The following VRK2 variants were observed in gnomAD, a reference collection of about 807,000 sequenced individuals.
VRK2 encodes VRK serine/threonine kinase 2.
VRK2 carries 60 observed loss-of-function variants against 57.6 expected under a neutral mutation model. The observed-to-expected ratio is 1.04, with a 90% CI of 0.85 to 1.29. VRK2 has a LOEUF of 1.29. Ranked by LOEUF, VRK2 falls within the 50% of genes most tolerant of loss-of-function variation. The pLI is 0.00. For synonymous variants in VRK2, 231 were observed against 199.2 expected (o/e 1.16, Z -1.35); for missense variants, 705 against 588.1 (o/e 1.20, Z -2.06).
chr2:58,093,890 C>G (rs1043536119), intron 7 of VRK2, among the ~76,000 whole-genome samples: 2 of 152,152 alleles, frequency 1.3e-5, no homozygotes, highest in South Asian at 4.1e-4. Flanking sequence ...TATGGCTAGC[C>G]AGTTTTCCCA....
intron 1 of VRK2, among the ~76,000 whole-genome samples, chr2:57,915,588 T>C (rs976388337): frequency 6.6e-6 from 1 of 152,192 alleles, no homozygotes; most frequent in Non-Finnish European, 1.5e-5. Flanking sequence ...AAGCAGAAGA[T>C]GGAACAATGA....
At chr2:58,017,161 A>T (rs145413369) in intron 1 of VRK2, among the ~76,000 whole-genome samples, 1 of 152,276 alleles carries the variant, frequency 6.6e-6, no homozygotes, top group East Asian at 1.9e-4. Context: ...CTTTTGACAC[A>T]GTTGTTGAAT....
chr2:58,039,859 A>AT (rs1303538642), intron 3 of VRK2, among the ~76,000 whole-genome samples: 7 of 151,466 alleles, frequency 4.6e-5, no homozygotes, highest in African/African-American at 1.7e-4. Context: ...ACTTCTTGAT[A>AT]TTTTCTTAAA....
chr2:58,024,092 T>C (rs1216952273), intron 1 of VRK2, among the ~76,000 whole-genome samples: 1 of 151,756 alleles, frequency 6.6e-6, no homozygotes, highest in Non-Finnish European at 1.5e-5. Flanking sequence ...TTCACGTCAT[T>C]CTCCTGTCTC....
chr2:57,942,741 G>A (rs1402103389), intron 1 of VRK2, among the ~76,000 whole-genome samples: 1 of 152,170 alleles, frequency 6.6e-6, no homozygotes, highest in South Asian at 2.1e-4. Context: ...CTTCTGAGAT[G>A]TATCAATCAA....
intron 11 of VRK2, 22 bp from the exon 12 acceptor site, chr2:58,146,294 A>G (rs1488943264): frequency 1.3e-5 from 20 of 1,573,116 alleles, no homozygotes; most frequent in Non-Finnish European, 1.7e-5. Flanking sequence ...ATTATATATT[A>G]TTACTTACTC....
intron 2 of VRK2, among the ~76,000 whole-genome samples, chr2:58,056,149 G>T (rs538855691): frequency 1.3e-5 from 2 of 150,530 alleles, no homozygotes; most frequent in Non-Finnish European, 3.0e-5. Context: ...TCTTCTAAAT[G>T]CTCTAAAATT....
intron 2 of VRK2, among the ~76,000 whole-genome samples, chr2:58,073,038 T>A (rs1669578012): frequency 6.6e-6 from 1 of 152,098 alleles, no homozygotes; most frequent in African/African-American, 2.4e-5. Flanking sequence ...TTTCGTTTAG[T>A]TTGAAATACT....
rs72945361 is a variant in VRK2 at position 57,927,810 on chromosome 2, T to C, written c.-439+19971T>C. ...TTGAAGGATATTTTCACTGGATCTA[T>C]AATTCTAGGATAAAAGTGGGGTTTT... On this transcript the variant is annotated intron_variant, in intron 1 of 15. Coordinates refer to the VRK2 transcript ENST00000417641. Among the ~76,000 whole-genome samples, 764 of 152,318 alleles carry C rather than the reference T, an allele frequency of 5.0e-3. 11 individuals are homozygous for C. Among genetic ancestry groups the C allele is most frequent in the African/African-American group, 0.018 (733 of 41,564 alleles).
At chr2:58,061,072 A>T (rs1464581257) in intron 2 of VRK2, among the ~76,000 whole-genome samples, 2 of 151,768 alleles carry the variant, frequency 1.3e-5, no homozygotes, top group Non-Finnish European at 2.9e-5. Context: ...ATAAAGCAAA[A>T]CCAGTTTAGT....
At chr2:57,922,554 A>G (rs1349005580) in intron 1 of VRK2, among the ~76,000 whole-genome samples, 1 of 151,820 alleles carries the variant, frequency 6.6e-6, no homozygotes, top group Admixed American at 6.6e-5. Flanking sequence ...TCATGCTAAG[A>G]GAGTAGATTT....
intron 5 of VRK2, among the ~76,000 whole-genome samples, chr2:58,087,400 A>G (rs1371343855): frequency 6.6e-6 from 1 of 152,234 alleles, no homozygotes; most frequent in Non-Finnish European, 1.5e-5. Context: ...AAAGAAGTCC[A>G]TTAGAGCTAT....
chr2:58,000,003 TGCACACAC>T lies in VRK2; in HGVS notation c.-438-25642_-438-25635del, dbSNP rs540746151. ...TACAAAAATTTAATACACACACACA[TGCACACAC>T]GCACACACGCACACACGCATGCACA... On this transcript the variant is annotated intron_variant, in intron 1 of 15. Transcript: ENST00000417641. 4.3e-3 allele frequency among the ~76,000 whole-genome samples: 660 copies of T among 151,936 alleles called. 6 individuals carry two copies. The highest frequency in any genetic ancestry group is 6.8e-3 in the Admixed American group (104 of 15,236).
chr2:58,080,603 A>G (rs1234517223), intron 2 of VRK2, among the ~76,000 whole-genome samples: 1 of 151,836 alleles, frequency 6.6e-6, no homozygotes, highest in Non-Finnish European at 1.5e-5. Flanking sequence ...TGATTAGGTT[A>G]GACTAAGTTC....
intron 2 of VRK2, among the ~76,000 whole-genome samples, chr2:58,069,237 C>T (rs1428089516): frequency 4.6e-5 from 7 of 152,126 alleles, no homozygotes; most frequent in Admixed American, 4.6e-4. Flanking sequence ...GTACAGTGTT[C>T]GTTTAGTTTT....
upstream of VRK2, among the ~76,000 whole-genome samples, chr2:58,042,979 T>G (rs1316492585): frequency 6.6e-6 from 1 of 152,204 alleles, no homozygotes; most frequent in Non-Finnish European, 1.5e-5. Context: ...CAATATGCTC[T>G]GAATCATAAA....
chr2:58,114,733 A>T (rs1274144605), intron 7 of VRK2, among the ~76,000 whole-genome samples: 5 of 151,998 alleles, frequency 3.3e-5, no homozygotes, highest in Admixed American at 3.3e-4. Context: ...GGCTGATTTG[A>T]CTAATAAAGG....
intron 1 of VRK2, among the ~76,000 whole-genome samples, chr2:57,909,630 G>A (rs1011336048): frequency 2.6e-5 from 4 of 152,064 alleles, no homozygotes; most frequent in Non-Finnish European, 4.4e-5. Flanking sequence ...GGTAAAACTC[G>A]CTGTCAAGAA....
chr2:58,009,779 T>C (rs191119955), intron 1 of VRK2, among the ~76,000 whole-genome samples: 1 of 152,162 alleles, frequency 6.6e-6, no homozygotes, highest in Non-Finnish European at 1.5e-5. Flanking sequence ...CATTTAGATA[T>C]GATTCTTCTA....
Sources: allele counts gnomAD v4.1 joint callset (sites outside exome capture counted in the v4.1 genomes callset), GRCh38; gene constraint gnomAD v4.1.1; transcripts MANE v1.5; gene names NCBI Gene and HGNC (gene_info 2026-07-23, HGNC 2026-07-21).